Variants in ANKRD11 observed in about 807,000 individuals in gnomAD.
ANKRD11 encodes ankyrin repeat domain 11, also known as ankyrin repeat domain-containing protein 11.
A neutral mutation model predicts 195.7 loss-of-function variants in ANKRD11; 17 were observed. That is an observed-to-expected ratio of 0.09 (90% CI 0.06 to 0.13). ANKRD11 has a LOEUF of 0.13. ANKRD11 is among the 10% of genes least tolerant of loss of function. The pLI is 1.00. For missense variants in ANKRD11, 3,735 were observed against 3,566.1 expected, an observed-to-expected ratio of 1.05 and a Z score of -1.21; for synonymous variants, 1,953 against 1,528.1, an observed-to-expected ratio of 1.28 and a Z score of -6.49.
rs1459100989 is a variant in ANKRD11 at position 89,291,608 on chromosome 16, C to T, written c.227-425G>A. ...CCACCTTCCCCGTCCCTCCTCCAAA[C>T]AGTGCAGATATAAAATGGCAGACAC... is the stretch of plus-strand genomic sequence containing the variant. On this transcript the variant is annotated intron_variant, in intron 4 of 12. Coordinates refer to ENST00000301030, the MANE Select transcript of ANKRD11 (RefSeq NM_013275.6). This position sits in a 1 kb window ranked among gnomAD's most constrained non-coding sequence, Gnocchi z 5.3. 4 of 1,143,312 alleles carry T rather than the reference C, an allele frequency of 3.5e-6. No homozygotes were observed. In the East Asian group the frequency reaches 2.3e-4, roughly 65 times the overall value. 70.8% of individuals were successfully genotyped at this position (1,143,312 alleles called of 1,614,324 possible). A position where few individuals can be genotyped will look rare whatever the true frequency, so the allele number is the denominator to read the frequency against.
chr16:89,289,308 AG>A (rs1158044162), intron 6 of ANKRD11, among the ~76,000 whole-genome samples: 1 of 152,134 alleles, frequency 6.6e-6, no homozygotes, highest in African/African-American at 2.4e-5. Context: ...GTGCTAAATT[AG>A]GTTTGGGTCA....
At position 89,408,665 on chromosome 16, in the gene ANKRD11, G is replaced by C. The variant is rs558771376; in HGVS notation, c.-60+9619C>G. On this transcript the variant is annotated intron_variant, in intron 2 of 12. Transcript: ENST00000301030. ...ACAGCAGCCCCTCCTCGCACCCCCT[G>C]CCACCCTCCCTAGAGTCCAGCGCTA... Among the ~76,000 whole-genome samples the C allele has an allele frequency of 1.5e-4, 23 of 151,992 alleles. No homozygotes were observed. The East Asian group carries it at 4.3e-3, about 28-fold the overall frequency.
At chr16:89,368,752 A>G (rs2040063026) in intron 2 of ANKRD11, among the ~76,000 whole-genome samples, 1 of 152,056 alleles carries the variant, frequency 6.6e-6, no homozygotes, top group Non-Finnish European at 1.5e-5. Context: ...AAAAAAATAC[A>G]AAAATTAGTC....
chr16:89,441,569 C>T (rs1273147442), intron 1 of ANKRD11, among the ~76,000 whole-genome samples: 5 of 151,850 alleles, frequency 3.3e-5, no homozygotes, highest in Non-Finnish European at 7.4e-5. Context: ...AGATGGAGAC[C>T]ATCCTGGCTA....
chr16:89,485,933 G>A (rs750473381), intron 1 of ANKRD11, among the ~76,000 whole-genome samples: 16 of 152,116 alleles, frequency 1.1e-4, no homozygotes, highest in Admixed American at 3.3e-4. Flanking sequence ...ATCCTTTACA[G>A]TCACTGAGAC....
intron 1 of ANKRD11, among the ~76,000 whole-genome samples, chr16:89,442,580 T>C (rs2043564128): frequency 6.6e-6 from 1 of 152,128 alleles, no homozygotes; most frequent in Non-Finnish European, 1.5e-5. Context: ...AGCTGGACAG[T>C]ATCATTCAGG....
rs750331558 is a variant in ANKRD11 at position 89,280,352 on chromosome 16, A to C, written c.6190T>G (p.Ser2064Ala). 2 of 1,570,320 alleles carry C rather than the reference A, an allele frequency of 1.3e-6. No homozygotes were observed. Among genetic ancestry groups the C allele is most frequent in the Non-Finnish European group, 1.7e-6 (2 of 1,158,662 alleles). Residue 2064 changes from serine (S) to alanine (A), a missense_variant, in exon 9 of 13, where the codon TCC becomes GCC. Ser to Ala is a moderately conservative substitution (Grantham distance 99). Transcript: ENST00000301030. ...APYAPPSGLE[S>A]FFSNCKSLPE... is the part of the protein sequence containing the mutation. The stretch of plus-strand genomic sequence containing the variant: ...AGTGACTTGCAGTTGCTGAAGAAGG[A>C]CTCCAGCCCGGAGGGAGGGGCGTAG...
rs141807995 is a variant in ANKRD11 at position 89,284,056 on chromosome 16, G to T, written c.2486C>A (p.Thr829Asn). 2.0e-5 allele frequency: 32 copies of T among 1,613,992 alleles called. No individual in the cohort carries two copies. The highest frequency in any genetic ancestry group is 2.7e-5 in the African/African-American group (2 of 74,916). ...CTGATCGTCAGAAAGGCTAAATTTG[G>T]TGTCTTCATTCTCCAGAAACTGATT... The part of the protein sequence containing the change: ...NKNQFLENED[T>N]KFSLSDDQRD... Residue 829 changes from threonine to asparagine, a missense_variant, in exon 9 of 13, where the codon ACC (threonine) becomes AAC (asparagine). Coordinates refer to ENST00000301030, the MANE Select transcript of ANKRD11 (RefSeq NM_013275.6).
intron 1 of ANKRD11, among the ~76,000 whole-genome samples, chr16:89,482,005 A>C (rs1039780261): frequency 6.6e-6 from 1 of 152,014 alleles, no homozygotes; most frequent in African/African-American, 2.4e-5. Context: ...CTCTCTTTTC[A>C]TAAGAACCAA....
At chr16:89,298,455 T>A (rs149867378) in intron 4 of ANKRD11, 10 of 152,366 alleles carry the variant, frequency 6.6e-5, no homozygotes, top group African/African-American at 2.4e-4. Context: ...GCTTTATGGA[T>A]GAAAGGGCTG....
At chr16:89,469,772 G>A (rs983542418) in intron 1 of ANKRD11, among the ~76,000 whole-genome samples, 19 of 149,104 alleles carry the variant, frequency 1.3e-4, no homozygotes, top group Admixed American at 1.1e-3. Context: ...GGTGGCGGGC[G>A]CCTGTAGTCC....
At chr16:89,407,128 G>A (rs1430508813) in intron 2 of ANKRD11, among the ~76,000 whole-genome samples, 1 of 152,042 alleles carries the variant, frequency 6.6e-6, no homozygotes, top group African/African-American at 2.4e-5. Context: ...GGAGGAGGCG[G>A]TGAGTTGAGA....
intron 2 of ANKRD11, among the ~76,000 whole-genome samples, chr16:89,412,980 A>T (rs1052201768): frequency 6.6e-6 from 1 of 152,136 alleles, no homozygotes; most frequent in Non-Finnish European, 1.5e-5. Flanking sequence ...AAAACAGCTG[A>T]CAGCCAGAGC....
intron 1 of ANKRD11, among the ~76,000 whole-genome samples, chr16:89,474,019 C>A (rs144493217): frequency 1.3e-5 from 2 of 152,204 alleles, no homozygotes; most frequent in Non-Finnish European, 2.9e-5. Context: ...AGGGGCCATG[C>A]GCCAAGCAAG....
intron 2 of ANKRD11, among the ~76,000 whole-genome samples, chr16:89,378,906 CA>C (rs1217367808): frequency 6.9e-6 from 1 of 145,360 alleles, no homozygotes; most frequent in Non-Finnish European, 1.5e-5. Context: ...AAAACCTCTT[CA>C]GGGGTTGGTG....
chr16:89,348,118 G>A (rs1269223590), intron 2 of ANKRD11, among the ~76,000 whole-genome samples: 1 of 152,098 alleles, frequency 6.6e-6, no homozygotes, highest in East Asian at 1.9e-4. Context: ...TTTTTGTACA[G>A]ATAGGGTTTC....
chr16:89,444,707 A>C (rs912267572), intron 1 of ANKRD11, among the ~76,000 whole-genome samples: 17 of 152,168 alleles, frequency 1.1e-4, no homozygotes, highest in Admixed American at 3.9e-4. Flanking sequence ...GCACTTTGGA[A>C]AACAGGAAGG....
Position 89,284,210 on chromosome 16 carries a change from T to C in ANKRD11, c.2332A>G (p.Lys778Glu), listed in dbSNP as rs1433758363. 1 of 1,612,298 alleles carries C rather than the reference T, an allele frequency of 6.2e-7. No individual in the cohort carries two copies. Reference sequence around the variant, plus strand: ...TTGTCCTCTTTTAAATCATTCTTCTTCTCTAATTTTGAGGGCCGGTCTTTT... The same window carrying C: ...TTGTCCTCTTTTAAATCATTCTTCTCCTCTAATTTTGAGGGCCGGTCTTTT... ...KSKDRPSKLE[K>E]KNDLKEDKIS... Residue 778 changes from lysine (K) to glutamate (E), a missense_variant, in exon 9 of 13, where the codon AAG becomes GAG. Transcript: ENST00000301030.
At chr16:89,483,315 T>G (rs918511853) in intron 1 of ANKRD11, among the ~76,000 whole-genome samples, 2 of 152,244 alleles carry the variant, frequency 1.3e-5, no homozygotes, top group South Asian at 4.1e-4. Flanking sequence ...CATCTTCTTT[T>G]AAAAGCCAGT....
Sources: gnomAD v4.1 joint callset for allele counts (sites outside exome capture counted in the v4.1 genomes callset) on GRCh38, gnomAD v4.1.1 for gene constraint, Gnocchi (gnomAD v3.1) non-coding constraint, MANE v1.5 for transcripts, NCBI Gene and HGNC (gene_info 2026-07-23, HGNC 2026-07-21) for gene names.